The following ADAMTS2 variants were observed in gnomAD, a reference collection of about 807,000 sequenced individuals.
ADAMTS2 encodes the protein A disintegrin and metalloproteinase with thrombospondin motifs 2.
ADAMTS2 carries 50 observed loss-of-function variants against 123.0 expected under a neutral mutation model. That is an observed-to-expected ratio of 0.41 (90% CI 0.32 to 0.51). The LOEUF is 0.51. Among genes scored for constraint, ADAMTS2 ranks in the 20% least tolerant of loss-of-function variants. The pLI, the probability that ADAMTS2 is intolerant of heterozygous loss-of-function variation, is 0.35. For synonymous variants in ADAMTS2, 678 were observed against 695.4 expected (o/e 0.98, Z 0.39); for missense variants, 1,494 against 1,705.2 (o/e 0.88, Z 2.18).
At chr5:179,330,133 A>AC (rs1757445013) in intron 2 of ADAMTS2, among the ~76,000 whole-genome samples, 1 of 25,266 alleles carries the variant, frequency 4.0e-5, no homozygotes, top group African/African-American at 1.3e-4. Context: ...ACTCCGTCTC[A>AC]AAAAAAAAAA....
chr5:179,198,531 G>A (rs1390387987), intron 4 of ADAMTS2, among the ~76,000 whole-genome samples: 3 of 152,186 alleles, frequency 2.0e-5, no homozygotes, highest in Admixed American at 6.5e-5. Flanking sequence ...CTACAGCTGC[G>A]TGTGCTCAAA....
chr5:179,185,671 A>AGCT lies in ADAMTS2; in HGVS notation c.892-4517_892-4516insAGC. 6.6e-6 allele frequency among the ~76,000 whole-genome samples: 1 copy of AGCT among 152,080 alleles called. No homozygotes were observed. Among genetic ancestry groups the AGCT allele is most frequent in the African/African-American group, 2.4e-5 (1 of 41,486 alleles). Reference sequence around the variant, plus strand: ...ATGGAACTCCCTGGGATAGACCGTCAGCCTCACATTCTGCTTGGAGGTGGG... The same window carrying AGCT: ...ATGGAACTCCCTGGGATAGACCGTCAGCTGCCTCACATTCTGCTTGGAGGTGGG... On this transcript the variant is annotated intron_variant, in intron 4 of 21. Coordinates refer to ENST00000251582, the MANE Select transcript of ADAMTS2 (RefSeq NM_014244.5). The surrounding 1 kb of genome is among the most constrained non-coding windows in gnomAD (Gnocchi z 5.9).
At chr5:179,254,112 G>C (rs1765990450) in intron 3 of ADAMTS2, among the ~76,000 whole-genome samples, 1 of 152,188 alleles carries the variant, frequency 6.6e-6, no homozygotes, top group Non-Finnish European at 1.5e-5. Flanking sequence ...TTTAACCACA[G>C]TCCCCACTTC....
rs1023704146 is a variant in ADAMTS2 at position 179,162,083 on chromosome 5, G to A, written c.976-3204C>T. Among the ~76,000 whole-genome samples, 2 of 152,156 alleles carry A rather than the reference G, an allele frequency of 1.3e-5. No homozygotes were observed. The highest frequency in any genetic ancestry group is 2.9e-5 in the Non-Finnish European group (2 of 68,036). On this transcript the variant is annotated intron_variant, in intron 5 of 21. Coordinates refer to ENST00000251582, the MANE Select transcript of ADAMTS2 (RefSeq NM_014244.5). The surrounding 1 kb of genome is among the most constrained non-coding windows in gnomAD (Gnocchi z 5.1). Reference sequence around the variant, plus strand: ...CTCCAGGGCACGTCTCCCAGCATCAGTGTCAAGGGAGTCCTGTCCAAGATG... The same window carrying A: ...CTCCAGGGCACGTCTCCCAGCATCAATGTCAAGGGAGTCCTGTCCAAGATG...
intron 10 of ADAMTS2, among the ~76,000 whole-genome samples, chr5:179,143,451 G>C (rs1285326899): frequency 6.8e-6 from 1 of 146,604 alleles, no homozygotes; most frequent in Admixed American, 6.8e-5. Flanking sequence ...AAAAAAAGAA[G>C]AACTAAATAG....
At chr5:179,218,202 A>G (rs464536) in intron 3 of ADAMTS2, among the ~76,000 whole-genome samples, 66,900 of 152,110 alleles carry the variant, frequency 0.44, 15,090 homozygotes, top group South Asian at 0.48. Context: ...GGCCACCACC[A>G]GGCTCAGGAG....
intron 2 of ADAMTS2, among the ~76,000 whole-genome samples, chr5:179,327,040 G>A (rs1186018728): frequency 1.3e-5 from 2 of 152,236 alleles, no homozygotes; most frequent in Non-Finnish European, 2.9e-5. Context: ...ACCTGGAACT[G>A]TGGGACCCTT....
chr5:179,328,520 G>A (rs943143158), intron 2 of ADAMTS2, among the ~76,000 whole-genome samples: 4 of 152,226 alleles, frequency 2.6e-5, no homozygotes, highest in African/African-American at 9.7e-5. Context: ...GGGCTTGCCA[G>A]GTCAACCATG....
chr5:179,173,053 GA>G (rs1001315728), intron 5 of ADAMTS2, among the ~76,000 whole-genome samples: 26 of 147,902 alleles, frequency 1.8e-4, no homozygotes, highest in Admixed American at 1.1e-3. Flanking sequence ...AAAAAAAAAA[GA>G]AAAAAAAATT....
intron 3 of ADAMTS2, among the ~76,000 whole-genome samples, chr5:179,224,359 G>A (rs1490058763): frequency 6.6e-6 from 1 of 152,190 alleles, no homozygotes; most frequent in East Asian, 1.9e-4. Flanking sequence ...TCTCACTCGG[G>A]CCTCCCTGAC....
intron 2 of ADAMTS2, among the ~76,000 whole-genome samples, chr5:179,281,679 T>C (rs752383301): frequency 1.3e-5 from 2 of 152,162 alleles, no homozygotes; most frequent in Non-Finnish European, 2.9e-5. Context: ...TGGACATGTG[T>C]TTTCATTCCT....
rs1192998678 is a variant in ADAMTS2 at position 179,111,258 on chromosome 5, G to C, written c.*2609C>G. The C allele has an allele frequency of 6.6e-6, 1 of 152,238 alleles. No individual in the cohort carries two copies. The highest frequency in any genetic ancestry group is 1.5e-5 in the Non-Finnish European group (1 of 68,054). The allele number at this position is 152,238 out of a possible 1,614,324, so 9.4% of individuals were successfully genotyped here. On this transcript the variant is annotated 3_prime_UTR_variant, in exon 22 of 22. Transcript: ENST00000251582. ...GATTTTCTAGTGCAGCGGAAGGTCT[G>C]AGTCTCATCATGCGGTTAGAAACTC...
chr5:179,162,135 C>T lies in ADAMTS2; in HGVS notation c.976-3256G>A, dbSNP rs1422589084. Among the ~76,000 whole-genome samples, 3 of 152,196 alleles carry T rather than the reference C, an allele frequency of 2.0e-5. No individual in the cohort carries two copies. Among genetic ancestry groups the T allele is most frequent in the Non-Finnish European group, 4.4e-5 (3 of 68,036 alleles). Reference sequence around the variant, plus strand: ...ACTCACCTGCCCTCAGGGTCCTAAGCCCCATGTAGTGGGACGGTCCCTTCC... The same window carrying T: ...ACTCACCTGCCCTCAGGGTCCTAAGTCCCATGTAGTGGGACGGTCCCTTCC... On this transcript the variant is annotated intron_variant, in intron 5 of 21. Coordinates refer to ENST00000251582, the MANE Select transcript of ADAMTS2 (RefSeq NM_014244.5). This position sits in a 1 kb window ranked among gnomAD's most constrained non-coding sequence, Gnocchi z 5.1.
intron 8 of ADAMTS2, among the ~76,000 whole-genome samples, 160 bp downstream of exon 8, chr5:179,153,889 C>G (rs1763415133): frequency 6.6e-6 from 1 of 152,190 alleles, no homozygotes; most frequent in South Asian, 2.1e-4. Flanking sequence ...CTCCAGACAC[C>G]AGGCTTCTCT....
chr5:179,333,140 C>A (rs549856903), intron 2 of ADAMTS2, among the ~76,000 whole-genome samples: 10 of 152,334 alleles, frequency 6.6e-5, no homozygotes, highest in African/African-American at 2.4e-4. Context: ...CAGCTTCCCG[C>A]ATCCCAAGCC....
chr5:179,138,717 G>C (rs909053829), intron 11 of ADAMTS2, among the ~76,000 whole-genome samples: 1 of 152,220 alleles, frequency 6.6e-6, no homozygotes, highest in Non-Finnish European at 1.5e-5. Context: ...ATCCATGCAC[G>C]AGCGTGTTCA....
rs572106277 is a variant in ADAMTS2 at position 179,151,762 on chromosome 5, G to C, written c.1629+380C>G. On this transcript the variant is annotated intron_variant, in intron 10 of 21. Transcript: ENST00000251582. ...AAGGGACAAACACTGAGGTCCTGGG[G>C]ATGGAAAGGTTAAGCCTCATGCTGG... Among the ~76,000 whole-genome samples the C allele has an allele frequency of 1.8e-4, 27 of 152,330 alleles. 1 individual carries two copies. Among genetic ancestry groups the C allele is most frequent in the African/African-American group, 6.5e-4 (27 of 41,576 alleles).
intron 3 of ADAMTS2, among the ~76,000 whole-genome samples, chr5:179,232,989 G>A (rs938400472): frequency 1.3e-5 from 2 of 152,190 alleles, no homozygotes; most frequent in African/African-American, 4.8e-5. Context: ...GCACGACCAT[G>A]AGCATCTGTG....
At chr5:179,127,627 G>A (rs1235023200) in intron 17 of ADAMTS2, among the ~76,000 whole-genome samples, 2 of 152,032 alleles carry the variant, frequency 1.3e-5, no homozygotes, top group African/African-American at 4.8e-5. Context: ...TTGCCTATGC[G>A]ATCCTGCCAA....
Sources: allele counts gnomAD v4.1 joint callset (sites outside exome capture counted in the v4.1 genomes callset), GRCh38; gene constraint gnomAD v4.1.1; non-coding constraint Gnocchi (gnomAD v3.1); transcripts MANE v1.5; gene names NCBI Gene and HGNC (gene_info 2026-07-23, HGNC 2026-07-21).